The following SYNPO2 variants were observed in gnomAD, a reference collection of about 807,000 sequenced individuals.
SYNPO2 encodes synaptopodin-2.
In SYNPO2, 56 loss-of-function variants were observed where a neutral mutation model predicts 85.0. The ratio of observed to expected loss-of-function variants is 0.66; its 90% confidence interval spans 0.53 to 0.82. The LOEUF (loss-of-function observed/expected upper bound fraction) is 0.82. Among genes scored for constraint, SYNPO2 ranks in the 40% least tolerant of loss-of-function variants. SYNPO2 has a pLI of 0.00. For synonymous variants in SYNPO2, 602 were observed against 591.1 expected, an observed-to-expected ratio of 1.02 and a Z score of -0.27; for missense variants, 1,575 against 1,534.2, an observed-to-expected ratio of 1.03 and a Z score of -0.44.
intron 1 of SYNPO2, among the ~76,000 whole-genome samples, chr4:118,901,679 A>C (rs1050350332): frequency 6.6e-6 from 1 of 152,230 alleles, no homozygotes; most frequent in Non-Finnish European, 1.5e-5. Context: ...TCACTTAATC[A>C]GGCATAGTAA....
At chr4:118,892,088 T>C (rs1732397120) in intron 1 of SYNPO2, among the ~76,000 whole-genome samples, 1 of 152,178 alleles carries the variant, frequency 6.6e-6, no homozygotes, top group South Asian at 2.1e-4. Flanking sequence ...TATCCTTATA[T>C]TGACATATTT....
At chr4:119,045,241 T>G (rs1037759) in intron 4 of SYNPO2, among the ~76,000 whole-genome samples, 148,756 of 152,326 alleles carry the variant, frequency 0.98, 72,730 homozygotes, top group East Asian at 1. Flanking sequence ...TGATAATCAT[T>G]ACTCTCATAA....
At chr4:118,861,105 C>G (rs1731601948) in intron 1 of SYNPO2, among the ~76,000 whole-genome samples, 1 of 152,016 alleles carries the variant, frequency 6.6e-6, no homozygotes, top group South Asian at 2.1e-4. Flanking sequence ...AAATCTTTGC[C>G]CACTCCAATG....
At chr4:118,995,087 C>T (rs1050718418) in intron 1 of SYNPO2, among the ~76,000 whole-genome samples, 9 of 152,192 alleles carry the variant, frequency 5.9e-5, no homozygotes, top group African/African-American at 2.2e-4. Context: ...ATATATTTTA[C>T]TTCCAGTGCA....
At position 119,058,111 on chromosome 4, in the gene SYNPO2, T is replaced by TACACACAC; in HGVS notation, c.*189_*196dup. On this transcript the variant is annotated 3_prime_UTR_variant, in exon 5 of 5. Transcript: ENST00000307142. ...GTGTGTGTGTGTATGTATGTGAATA[T>TACACACAC]ACACACACACACACACACAGGTGAG... 1 of 443,226 alleles carries TACACACAC rather than the reference T, an allele frequency of 2.3e-6. No homozygotes were observed. Among genetic ancestry groups the TACACACAC allele is most frequent in the Non-Finnish European group, 4.0e-6 (1 of 247,662 alleles). The allele number at this position is 443,226 out of a possible 1,614,324, so 27.5% of individuals were successfully genotyped here.
At chr4:118,933,915 A>G (rs553170829) in intron 1 of SYNPO2, among the ~76,000 whole-genome samples, 1 of 147,854 alleles carries the variant, frequency 6.8e-6, no homozygotes, top group Admixed American at 7.0e-5. Context: ...TTTCTATAAA[A>G]CTGCTTTAGA....
chr4:118,946,576 C>T (rs1354321905), intron 1 of SYNPO2, among the ~76,000 whole-genome samples: 1 of 152,184 alleles, frequency 6.6e-6, no homozygotes, highest in Admixed American at 6.5e-5. Flanking sequence ...CCCTACACAT[C>T]GTTCGCTCGT....
chr4:118,855,124 CAAAA>C (rs71595325), intron 1 of SYNPO2, among the ~76,000 whole-genome samples: 1 of 137,278 alleles, frequency 7.3e-6, no homozygotes, highest in African/African-American at 2.9e-5. Context: ...TTTACTAAAG[CAAAA>C]AAAAAAAAAG....
chr4:118,933,814 T>TTTG (rs1429416895), intron 1 of SYNPO2, among the ~76,000 whole-genome samples: 3 of 123,286 alleles, frequency 2.4e-5, no homozygotes, highest in African/African-American at 8.7e-5. Flanking sequence ...ATAGCTGCTT[T>TTTG]TTGCTGTTGT....
chr4:118,956,590 G>A (rs939019617), intron 1 of SYNPO2, among the ~76,000 whole-genome samples: 10 of 151,966 alleles, frequency 6.6e-5, no homozygotes, highest in Admixed American at 3.3e-4. Flanking sequence ...AATGCTTATC[G>A]AGCAGTCACT....
chr4:118,898,560 C>T (rs1042619111), intron 1 of SYNPO2, among the ~76,000 whole-genome samples: 1 of 152,166 alleles, frequency 6.6e-6, no homozygotes, highest in African/African-American at 2.4e-5. Flanking sequence ...TATTTTGTTA[C>T]TAATATTCCT....
intron 1 of SYNPO2, among the ~76,000 whole-genome samples, chr4:118,870,809 G>T (rs1403005690): frequency 2.0e-5 from 3 of 152,158 alleles, no homozygotes; most frequent in Non-Finnish European, 4.4e-5. Context: ...TAGGTGGTGG[G>T]TTGATAGGTG....
At chr4:119,035,029 T>C (rs767759757) in intron 4 of SYNPO2, 27 of 985,372 alleles carry the variant, frequency 2.7e-5, no homozygotes, top group Non-Finnish European at 3.3e-5. Context: ...CGAAGTCGGT[T>C]TTCATTGCCA....
chr4:118,990,749 C>T (rs935122716), intron 1 of SYNPO2, among the ~76,000 whole-genome samples: 2 of 152,098 alleles, frequency 1.3e-5, no homozygotes, highest in East Asian at 1.9e-4. Flanking sequence ...GCTGGGACTA[C>T]AGGTGCGTGC....
intron 1 of SYNPO2, among the ~76,000 whole-genome samples, chr4:118,900,703 C>CTCTCTCTCTCTCTCTATATATA (rs1277981772): frequency 1.4e-4 from 6 of 43,896 alleles, no homozygotes; most frequent in South Asian, 9.6e-4. Context: ...CTCTCTCTCT[C>CTCTCTCTCTCTCTCTATATATA]TATATATATA....
chr4:118,995,862 TTATCTATCTATCTATCTATC>T (rs34223926), intron 1 of SYNPO2, among the ~76,000 whole-genome samples: 10 of 148,302 alleles, frequency 6.7e-5, no homozygotes, highest in African/African-American at 2.5e-4. Context: ...TCTATTTATC[TTATCTATCTATCTATCTATC>T]TATCTATCTA....
chr4:118,927,435 G>T (rs1186552868), intron 1 of SYNPO2, among the ~76,000 whole-genome samples: 4 of 152,088 alleles, frequency 2.6e-5, no homozygotes, highest in Admixed American at 2.6e-4. Flanking sequence ...CTGAGGCCTA[G>T]AAAAGTAAAG....
At chr4:118,961,856 T>G (rs1236456891) in intron 1 of SYNPO2, among the ~76,000 whole-genome samples, 1 of 152,182 alleles carries the variant, frequency 6.6e-6, no homozygotes, top group African/African-American at 2.4e-5. Context: ...AAGGCAGGTT[T>G]TTTGTTTTTT....
At chr4:119,019,827 A>G (rs1294345578) in intron 1 of SYNPO2, among the ~76,000 whole-genome samples, 1 of 152,158 alleles carries the variant, frequency 6.6e-6, no homozygotes, top group Non-Finnish European at 1.5e-5. Flanking sequence ...ACCCTTTCCC[A>G]CTGCTACATG....
Sources: allele counts gnomAD v4.1 joint callset (sites outside exome capture counted in the v4.1 genomes callset), GRCh38; gene constraint gnomAD v4.1.1; transcripts MANE v1.5; gene names NCBI Gene and HGNC (gene_info 2026-07-23, HGNC 2026-07-21).